The following GAL3ST2 variants were observed in gnomAD, a reference collection of about 807,000 sequenced individuals.
GAL3ST2 encodes galactose-3-O-sulfotransferase 2, also known as beta-galactose-3-O-sulfotransferase 2.
In GAL3ST2, 16 loss-of-function variants were observed where a neutral mutation model predicts 12.9. The ratio of observed to expected loss-of-function variants is 1.24; its 90% CI spans 0.84 to 1.88. The LOEUF (loss-of-function observed/expected upper bound fraction) is 1.88. Ranked by LOEUF, GAL3ST2 falls within the 40% of genes most tolerant of loss-of-function variation. The pLI, the probability that GAL3ST2 is intolerant of heterozygous loss-of-function variation, is 0.00. For synonymous variants in GAL3ST2, 302 were observed against 273.9 expected, an observed-to-expected ratio of 1.10 and a Z score of -1.01; for missense variants, 639 against 571.8, an observed-to-expected ratio of 1.12 and a Z score of -1.20.
intron 1 of GAL3ST2, among the ~76,000 whole-genome samples, chr2:241,789,123 C>T (rs1181922321): frequency 6.6e-6 from 1 of 152,162 alleles, no homozygotes; most frequent in Non-Finnish European, 1.5e-5. Flanking sequence ...AGAGTTCTTA[C>T]GTCCCCTTTT....
chr2:241,786,326 C>T (rs1559413545), intron 1 of GAL3ST2, among the ~76,000 whole-genome samples: 3 of 152,010 alleles, frequency 2.0e-5, no homozygotes, highest in South Asian at 2.1e-4. Context: ...ACAAACAGTT[C>T]AGTAAAACAA....
At position 241,801,553 on chromosome 2, in the gene GAL3ST2, C is replaced by T. The variant is rs537573250; in HGVS notation, c.120-228C>T. 33 of 594,748 alleles carry T rather than the reference C, an allele frequency of 5.5e-5. No homozygotes were observed. The highest frequency in any genetic ancestry group is 3.4e-4 in the African/African-American group (18 of 52,960). The allele number at this position is 594,748 out of a possible 1,614,324, so 36.8% of individuals were successfully genotyped here. ...GCACAGGGTTGGGGGAGCATGGTTA[C>T]GGGAGACAGTTGGGGGAGTTTGTGT... On this transcript the variant is annotated intron_variant, in intron 2 of 3. Transcript: ENST00000192314. The surrounding 1 kb of genome is among the most constrained non-coding windows in gnomAD (Gnocchi z 4.4).
At chr2:241,779,417 T>A (rs1461653666) in intron 1 of GAL3ST2, among the ~76,000 whole-genome samples, 1 of 150,964 alleles carries the variant, frequency 6.6e-6, no homozygotes, top group African/African-American at 2.4e-5. Flanking sequence ...GTATTTTTAG[T>A]AGAGATGGGG....
At chr2:241,783,527 AT>A (rs543569150) in intron 1 of GAL3ST2, among the ~76,000 whole-genome samples, 4 of 151,286 alleles carry the variant, frequency 2.6e-5, no homozygotes, top group Admixed American at 6.6e-5. Context: ...AAAGGATACC[AT>A]TTTTTTTAGC....
At chr2:241,791,236 T>C (rs1575364140) in intron 1 of GAL3ST2, among the ~76,000 whole-genome samples, 1 of 152,186 alleles carries the variant, frequency 6.6e-6, no homozygotes, top group Non-Finnish European at 1.5e-5. Context: ...TTGTCGACAC[T>C]CTCTACCTGG....
At chr2:241,780,290 G>A (rs1194288649) in intron 1 of GAL3ST2, among the ~76,000 whole-genome samples, 1 of 152,166 alleles carries the variant, frequency 6.6e-6, no homozygotes, top group Admixed American at 6.5e-5. Flanking sequence ...GGAGGCCGAG[G>A]TGGATGGATC....
intron 1 of GAL3ST2, among the ~76,000 whole-genome samples, chr2:241,796,805 C>T (rs1466689300): frequency 6.6e-6 from 1 of 152,054 alleles, no homozygotes; most frequent in Non-Finnish European, 1.5e-5. Context: ...GGGCTGTTGG[C>T]AGCCCTGAGC....
At chr2:241,794,667 C>T (rs919386462) in intron 1 of GAL3ST2, among the ~76,000 whole-genome samples, 5 of 152,152 alleles carry the variant, frequency 3.3e-5, no homozygotes, top group East Asian at 1.9e-4. Flanking sequence ...TCTTTGGGAA[C>T]GACTGAGCTA....
intron 1 of GAL3ST2, among the ~76,000 whole-genome samples, chr2:241,794,360 G>A (rs1187387406): frequency 1.3e-5 from 2 of 152,196 alleles, no homozygotes; most frequent in Non-Finnish European, 1.5e-5. Flanking sequence ...ACAGCTCACC[G>A]GGTTGTGCTT....
intron 2 of GAL3ST2, among the ~76,000 whole-genome samples, chr2:241,799,506 G>A (rs1349302451): frequency 2.6e-5 from 4 of 152,220 alleles, no homozygotes; most frequent in Non-Finnish European, 4.4e-5. Flanking sequence ...GAAAAGGTCA[G>A]AACCGTGCTC....
At chr2:241,783,869 T>C (rs936339675) in intron 1 of GAL3ST2, among the ~76,000 whole-genome samples, 5 of 152,212 alleles carry the variant, frequency 3.3e-5, no homozygotes, top group African/African-American at 1.2e-4. Flanking sequence ...GGAACGAACT[T>C]AGTTTATAGT....
intron 1 of GAL3ST2, among the ~76,000 whole-genome samples, chr2:241,786,843 T>C (rs558815974): frequency 7.7e-4 from 117 of 152,146 alleles, no homozygotes; most frequent in Non-Finnish European, 1.5e-3. Context: ...CCCTGAAAAT[T>C]TGAGATAGGT....
chr2:241,802,040 CCG>C lies in GAL3ST2; in HGVS notation c.375+7_375+8del. On this transcript the variant is annotated splice_donor_5th_base_variant and intron_variant, in intron 3 of 3. Coordinates refer to ENST00000192314, the MANE Select transcript of GAL3ST2 (RefSeq NM_022134.3). The surrounding 1 kb of genome is among the most constrained non-coding windows in gnomAD (Gnocchi z 4.8). ...CCTGAGGTTCAACCTGCCTCAGGTA[CCG>C]CGGGCCTGCTGGGGAGGAGGGCGGG... The C allele has an allele frequency of 6.2e-7, 1 of 1,606,268 alleles. No homozygotes were observed. Among genetic ancestry groups the C allele is most frequent in the Non-Finnish European group, 8.5e-7 (1 of 1,176,700 alleles).
At chr2:241,777,424 C>T (rs1276867403) in intron 1 of GAL3ST2, among the ~76,000 whole-genome samples, 1 of 152,158 alleles carries the variant, frequency 6.6e-6, no homozygotes, top group Non-Finnish European at 1.5e-5. Flanking sequence ...TCCCGGGGCT[C>T]TGGGTGGTGA....
chr2:241,776,997 G>A lies in GAL3ST2; in HGVS notation c.29+13G>A, dbSNP rs1001877199. On this transcript the variant is annotated intron_variant, in intron 1 of 3. Coordinates refer to ENST00000192314, the MANE Select transcript of GAL3ST2 (RefSeq NM_022134.3). The stretch of plus-strand genomic sequence containing the variant: ...GCGGCTTGCAGAGGTAAGGGGGGCA[G>A]TTGGACCCCCCAGGTGGACAAAGCG... 2 of 1,521,184 alleles carry A rather than the reference G, an allele frequency of 1.3e-6. No homozygotes were observed. The highest frequency in any genetic ancestry group is 1.8e-6 in the Non-Finnish European group (2 of 1,127,614). The allele number at this position is 1,521,184 out of a possible 1,614,324, so 94.2% of individuals were successfully genotyped here.
At position 241,803,981 on chromosome 2, in the gene GAL3ST2, C is replaced by T. The variant is rs1452455109; in HGVS notation, c.1012C>T (p.Arg338Cys). The T allele has an allele frequency of 5.8e-6, 9 of 1,546,260 alleles. No individual in the cohort carries two copies. The highest frequency in any genetic ancestry group is 1.9e-5 in the Admixed American group (1 of 51,858). ...LKNHTQIRDP[R>C]LRPYQSGKAD... ...GAACCACACGCAGATCAGAGACCCG[C>T]GCCTGCGCCCCTACCAGTCCGGCAA... Residue 338 changes from arginine (R) to cysteine (C), a missense_variant, in exon 4 of 4, where the codon CGC (arginine) becomes TGC (cysteine). Transcript: ENST00000192314.
In GAL3ST2 at chr2:241,802,513, G is replaced by A. The variant is rs1332184301; in HGVS notation, c.375+477G>A. On this transcript the variant is annotated intron_variant, in intron 3 of 3. Transcript: ENST00000192314. This position sits in a 1 kb window ranked among gnomAD's most constrained non-coding sequence, Gnocchi z 4.8. ...CAGGTGTTTTAGGGTCACCCTGAGC[G>A]CTCTGTGGAGAATGGCCAGCAGAGG... Among the ~76,000 whole-genome samples, 2 of 151,948 alleles carry A rather than the reference G, an allele frequency of 1.3e-5. No individual in the cohort carries two copies. The highest frequency in any genetic ancestry group is 6.6e-5 in the Admixed American group (1 of 15,260).
In GAL3ST2 at chr2:241,802,297, C is replaced by G. The variant is rs532584300; in HGVS notation, c.375+261C>G. ...CCCAAGGGCGTCCCCAGCGCTCCCC[C>G]GCTTCTCTGGCCTCCTAGTTGTGCA... On this transcript the variant is annotated intron_variant, in intron 3 of 3. Transcript: ENST00000192314. This position sits in a 1 kb window ranked among gnomAD's most constrained non-coding sequence, Gnocchi z 4.8. Among the ~76,000 whole-genome samples, 3 of 152,242 alleles carry G rather than the reference C, an allele frequency of 2.0e-5. No homozygotes were observed. The highest frequency in any genetic ancestry group is 4.4e-5 in the Non-Finnish European group (3 of 68,040).
Position 241,802,133 on chromosome 2 carries a change from AG to A in GAL3ST2, c.375+99del. The A allele has an allele frequency of 8.7e-7, 1 of 1,146,304 alleles. No individual in the cohort carries two copies. Among genetic ancestry groups the A allele is most frequent in the Non-Finnish European group, 1.2e-6 (1 of 837,030 alleles). 71.0% of individuals were successfully genotyped at this position (1,146,304 alleles called of 1,614,324 possible). A position where few individuals can be genotyped will look rare whatever the true frequency, so the allele number is the denominator to read the frequency against. ...CTGGAGGCTGGAGAGAAGGAGTGTA[AG>A]GCTTGGGGGCGGGGCGTGCAGAAGG... On this transcript the variant is annotated intron_variant, in intron 3 of 3. Coordinates refer to ENST00000192314, the MANE Select transcript of GAL3ST2 (RefSeq NM_022134.3). The surrounding 1 kb of genome is among the most constrained non-coding windows in gnomAD (Gnocchi z 4.8).
Sources: gnomAD v4.1 joint callset for allele counts (sites outside exome capture counted in the v4.1 genomes callset) on GRCh38, gnomAD v4.1.1 for gene constraint, Gnocchi (gnomAD v3.1) non-coding constraint, MANE v1.5 for transcripts, NCBI Gene and HGNC (gene_info 2026-07-23, HGNC 2026-07-21) for gene names.